The following AGO2 variants were observed in gnomAD, a reference collection of about 807,000 sequenced individuals.
AGO2 encodes protein argonaute-2.
Under a neutral mutation model 102.3 loss-of-function variants are expected in AGO2, and 5 were observed. The ratio of observed to expected loss-of-function variants is 0.05; its 90% CI spans 0.03 to 0.10. AGO2 has a LOEUF of 0.10. AGO2 is among the 10% of genes least tolerant of loss of function. The probability of loss-of-function intolerance (pLI) is 1.00; values close to 1 mark genes in which losing one functional copy is unlikely to be tolerated. For synonymous variants in AGO2, 449 were observed against 473.1 expected, an observed-to-expected ratio of 0.95 and a Z score of 0.66; for missense variants, 541 against 1,183.7, an observed-to-expected ratio of 0.46 and a Z score of 7.97.
At chr8:140,543,411 T>G (rs1310935619) in intron 14 of AGO2, among the ~76,000 whole-genome samples, 1 of 152,224 alleles carries the variant, frequency 6.6e-6, no homozygotes, top group African/African-American at 2.4e-5. Context: ...AGATAGATTC[T>G]CTTGCTCCAT....
At chr8:140,542,653 A>G (rs926822867) in intron 14 of AGO2, among the ~76,000 whole-genome samples, 13 of 152,168 alleles carry the variant, frequency 8.5e-5, no homozygotes, top group South Asian at 8.3e-4. Flanking sequence ...TACAGAAAAA[A>G]ACAAAGCTAA....
chr8:140,624,155 C>T (rs2074247666), intron 1 of AGO2, among the ~76,000 whole-genome samples: 1 of 152,170 alleles, frequency 6.6e-6, no homozygotes, highest in South Asian at 2.1e-4. Context: ...CACCCACTGT[C>T]CTCAGGCCAG....
rs563389862 is a variant in AGO2, at chr8:140,546,965, C to T, written c.1748+503G>A. Among the ~76,000 whole-genome samples, 17 of 152,320 alleles carry T rather than the reference C, an allele frequency of 1.1e-4. No individual in the cohort carries two copies. The South Asian group carries it at 3.3e-3, about 30-fold the overall frequency. ...CCCGTCCCCGGCGGTCAGCCCTGGGCCTCTGAGACCGGCAGGTGGCCAGCG... is the reference window on the plus strand; with the variant it reads ...CCCGTCCCCGGCGGTCAGCCCTGGGTCTCTGAGACCGGCAGGTGGCCAGCG... On this transcript the variant is annotated intron_variant, in intron 13 of 18. Coordinates refer to ENST00000220592, the MANE Select transcript of AGO2 (RefSeq NM_012154.5).
intron 3 of AGO2, among the ~76,000 whole-genome samples, chr8:140,563,686 C>T (rs763513383): frequency 5.3e-5 from 8 of 152,236 alleles, no homozygotes; most frequent in East Asian, 1.9e-4. Flanking sequence ...TCTTCAGCAC[C>T]GGCCTCTCCT....
intron 3 of AGO2, among the ~76,000 whole-genome samples, chr8:140,564,809 T>C (rs183717489): frequency 2.4e-4 from 36 of 151,566 alleles, no homozygotes; most frequent in African/African-American, 8.0e-4. Context: ...TGTAACAATA[T>C]CATACACTGT....
At chr8:140,615,236 G>A (rs1015396941) in intron 1 of AGO2, among the ~76,000 whole-genome samples, 3 of 152,212 alleles carry the variant, frequency 2.0e-5, no homozygotes, top group Admixed American at 2.0e-4. Flanking sequence ...AGGCAACAGA[G>A]TAAGATCCTG....
intron 3 of AGO2, among the ~76,000 whole-genome samples, chr8:140,564,566 A>G (rs555602045): frequency 7.4e-4 from 113 of 152,316 alleles, no homozygotes; most frequent in Non-Finnish European, 1.5e-3. Flanking sequence ...ATAATAATCC[A>G]CTTCCACTTA....
chr8:140,642,044 TAAAAAAAAGAAAAAGGA>T, the AGO2 span, among the ~76,000 whole-genome samples: 659 of 133,742 alleles, frequency 4.9e-3, 2 homozygotes, highest in Non-Finnish European at 8.2e-3. Flanking sequence ...TCAAAAAGAC[TAAAAAAAAGAAAAAGGA>T]AAAAAAAAGA....
intron 1 of AGO2, among the ~76,000 whole-genome samples, chr8:140,629,436 C>G (rs1039968891): frequency 1.3e-5 from 2 of 152,152 alleles, no homozygotes; most frequent in Admixed American, 1.3e-4. Context: ...TCATCCAGGC[C>G]AAAGTCCCCA....
At chr8:140,580,389 T>C (rs1028716858) in intron 2 of AGO2, among the ~76,000 whole-genome samples, 1 of 152,236 alleles carries the variant, frequency 6.6e-6, no homozygotes, top group Non-Finnish European at 1.5e-5. Flanking sequence ...CCCGGGGCAT[T>C]GTACAAGGTT....
intron 1 of AGO2, among the ~76,000 whole-genome samples, chr8:140,598,342 G>A (rs577396560): frequency 3.9e-4 from 59 of 152,350 alleles, no homozygotes; most frequent in African/African-American, 7.7e-4. Context: ...AGACGTTTGC[G>A]TTCCGTTACT....
At chr8:140,632,751 C>G (rs963691624) in intron 1 of AGO2, among the ~76,000 whole-genome samples, 8 of 152,226 alleles carry the variant, frequency 5.3e-5, no homozygotes, top group African/African-American at 1.9e-4. Context: ...AGTAACATTT[C>G]TAACTTCAGA....
chr8:140,532,234 T>G, intron 18 of AGO2, 82 bp from the exon 19 acceptor site: 4 of 1,460,192 alleles, frequency 2.7e-6, no homozygotes, highest in Admixed American at 1.7e-5. Flanking sequence ...TAAGTCGGGA[T>G]GGCATGGCGG....
intron 1 of AGO2, among the ~76,000 whole-genome samples, chr8:140,634,673 C>T (rs1216259616): frequency 6.6e-6 from 1 of 152,188 alleles, no homozygotes; most frequent in Non-Finnish European, 1.5e-5. Flanking sequence ...ACAAGGGGTG[C>T]TACAGGAATC....
chr8:140,638,437 A>T (rs998516022), upstream of AGO2, among the ~76,000 whole-genome samples: 5 of 152,240 alleles, frequency 3.3e-5, no homozygotes, highest in Admixed American at 6.5e-5. Flanking sequence ...GAAGGAGGGC[A>T]TGAGACAGTA....
chr8:140,546,975 C>T (rs531102260), intron 13 of AGO2, among the ~76,000 whole-genome samples: 30 of 152,278 alleles, frequency 2.0e-4, no homozygotes, highest in Admixed American at 1.3e-3. Flanking sequence ...CCTCTGAGAC[C>T]GGCAGGTGGC....
At chr8:140,559,120 C>T (rs1588456714) in intron 6 of AGO2, among the ~76,000 whole-genome samples, 1 of 152,328 alleles carries the variant, frequency 6.6e-6, no homozygotes, top group Non-Finnish European at 1.5e-5. Flanking sequence ...ATCACAGCCA[C>T]GCTGCTGCTT....
chr8:140,543,030 G>A (rs1297122659), intron 14 of AGO2, among the ~76,000 whole-genome samples: 5 of 152,132 alleles, frequency 3.3e-5, no homozygotes, highest in African/African-American at 9.7e-5. Flanking sequence ...CCAGCTACTC[G>A]GGAGGCTGAG....
intron 3 of AGO2, 93 bp downstream of exon 3, chr8:140,572,719 T>A: frequency 6.7e-7 from 1 of 1,498,670 alleles, no homozygotes; most frequent in Non-Finnish European, 8.9e-7. Flanking sequence ...TGAAATAGTT[T>A]CGTGTATGAG....
Sources: gnomAD v4.1 joint callset for allele counts (sites outside exome capture counted in the v4.1 genomes callset) on GRCh38, gnomAD v4.1.1 for gene constraint, MANE v1.5 for transcripts, NCBI Gene and HGNC (gene_info 2026-07-23, HGNC 2026-07-21) for gene names.